IRF6: variants seen among roughly 807,000 people sequenced by gnomAD.
The protein encoded by IRF6 is Van der Woude syndrome.
IRF6 carries 6 observed loss-of-function variants against 51.4 expected under a neutral mutation model. That is an observed-to-expected ratio of 0.12 (90% CI 0.06 to 0.23). IRF6 has a LOEUF of 0.23. IRF6 is among the 10% of genes least tolerant of loss of function. The pLI is 1.00. For missense variants in IRF6, 348 were observed against 585.2 expected (o/e 0.59, Z 4.18); for synonymous variants, 178 against 215.7 (o/e 0.83, Z 1.53).
At position 209,789,449 on chromosome 1, in the gene IRF6, G is replaced by A. The variant is rs2073485; in HGVS notation, c.1179+218C>T. On this transcript the variant is annotated intron_variant, in intron 8 of 8. Transcript: ENST00000367021. ...CAGCAAGACTCTAAGGTTAGTAAGA[G>A]AATGAAAGATAAGATCTCCACTAAA... is the stretch of plus-strand genomic sequence containing the variant. 0.22 allele frequency among the ~76,000 whole-genome samples: 32,785 copies of A among 151,774 alleles called. 4,024 individuals carry two copies. The highest frequency in any genetic ancestry group is 0.47 in the East Asian group (2,437 of 5,168).
At chr1:209,798,762 A>T (rs562215894) in intron 3 of IRF6, among the ~76,000 whole-genome samples, 2 of 152,032 alleles carry the variant, frequency 1.3e-5, no homozygotes, top group African/African-American at 4.8e-5. Context: ...TACAAAAATT[A>T]TCTGGGCATG....
At position 209,796,688 on chromosome 1, in the gene IRF6, G is replaced by A. The variant is rs2077904244; in HGVS notation, c.175-136C>T. The A allele has an allele frequency of 2.8e-6, 2 of 706,028 alleles. No individual in the cohort carries two copies. Among genetic ancestry groups the A allele is most frequent in the South Asian group, 1.6e-5 (1 of 61,850 alleles). The allele number at this position is 706,028 out of a possible 1,614,324, so 43.7% of individuals were successfully genotyped here. ...ACACACACACACACAACTTTTGCAT[G>A]ACTGCCCCATCATCCCAACCCCGAT... On this transcript the variant is annotated intron_variant, in intron 3 of 8. Transcript: ENST00000367021. This position sits in a 1 kb window ranked among gnomAD's most constrained non-coding sequence, Gnocchi z 4.5.
chr1:209,792,302 T>A lies in IRF6; in HGVS notation c.634A>T (p.Ser212Cys), dbSNP rs923069332. Residue 212 changes from serine (S) to cysteine (C), a missense_variant, in exon 6 of 9, where the codon AGC becomes TGC. By Grantham distance (112) the Ser-to-Cys change is moderately radical. Coordinates refer to ENST00000367021, the MANE Select transcript of IRF6 (RefSeq NM_006147.4). Reference sequence around the variant, plus strand: ...GAGCTGATCCACAGTTCTGGAGAGCTATAGAAGGGCTGTATAGGTGCCTGG... The same window carrying A: ...GAGCTGATCCACAGTTCTGGAGAGCAATAGAAGGGCTGTATAGGTGCCTGG... The part of the protein sequence containing the change: ...VPQAPIQPFY[S>C]SPELWISSLP... 4 of 1,614,096 alleles carry A rather than the reference T, an allele frequency of 2.5e-6. No individual in the cohort carries two copies. The African/African-American group carries it at 5.3e-5, about 22-fold the overall frequency.
At chr1:209,791,668 TCCC>T (rs2077869886) in intron 6 of IRF6, among the ~76,000 whole-genome samples, 1 of 151,952 alleles carries the variant, frequency 6.6e-6, no homozygotes, top group Non-Finnish European at 1.5e-5. Context: ...TGTCACTAAA[TCCC>T]CCTGCGTGAC....
chr1:209,802,951 A>T (rs1054703589), intron 1 of IRF6, among the ~76,000 whole-genome samples: 35 of 152,344 alleles, frequency 2.3e-4, no homozygotes, highest in African/African-American at 8.2e-4. Context: ...TGGCACTTTA[A>T]GAGCAAGGCA....
At chr1:209,789,185 A>G (rs1355561602) in intron 8 of IRF6, among the ~76,000 whole-genome samples, 1 of 152,094 alleles carries the variant, frequency 6.6e-6, no homozygotes, top group East Asian at 1.9e-4. Context: ...TAGGCCAGGC[A>G]TGGTAGCCTG....
chr1:209,793,728 G>A (rs573786218), intron 5 of IRF6, among the ~76,000 whole-genome samples: 7 of 152,128 alleles, frequency 4.6e-5, no homozygotes, highest in South Asian at 2.1e-4. Context: ...CCCACCCTCC[G>A]TCCTCAAGGA....
In IRF6 at chr1:209,788,650, C is replaced by G. The variant is rs1215031294; in HGVS notation, c.1180-6G>C. The G allele has an allele frequency of 2.5e-6, 4 of 1,609,652 alleles. No homozygotes were observed. Among genetic ancestry groups the G allele is most frequent in the Non-Finnish European group, 3.4e-6 (4 of 1,175,898 alleles). On this transcript the variant is annotated splice_polypyrimidine_tract_variant and splice_region_variant and intron_variant, in intron 8 of 8. Transcript: ENST00000367021. ...CGAGCCACTACTGGAATGACCTGTT[C>G]AGGACACAGAACACAGGTGTATCCT...
At position 209,787,132 on chromosome 1, in the gene IRF6, T is replaced by G. The variant is rs1281766797; in HGVS notation, c.*1288A>C. 6.6e-6 allele frequency: 1 copy of G among 152,260 alleles called. No individual in the cohort carries two copies. Among genetic ancestry groups the G allele is most frequent in the Non-Finnish European group, 1.5e-5 (1 of 68,094 alleles). The allele number at this position is 152,260 out of a possible 1,614,324, so 9.4% of individuals were successfully genotyped here. On this transcript the variant is annotated 3_prime_UTR_variant, in exon 9 of 9. Coordinates refer to ENST00000367021, the MANE Select transcript of IRF6 (RefSeq NM_006147.4). ...ACTCAGGAGGCTGGGGCAGGACGAT[T>G]GCTTGAGCCCAGGAGCTTAAAGCTG...
In IRF6 at chr1:209,788,298, A is replaced by G. The variant is rs2102534515; in HGVS notation, c.*122T>C. The G allele has an allele frequency of 1.5e-6, 1 of 685,286 alleles. No homozygotes were observed. The highest frequency in any genetic ancestry group is 2.7e-5 in the East Asian group (1 of 36,894). 42.5% of individuals were successfully genotyped at this position (685,286 alleles called of 1,614,324 possible). A position where few individuals can be genotyped will look rare whatever the true frequency, so the allele number is the denominator to read the frequency against. The stretch of plus-strand genomic sequence containing the variant: ...GCTTTAAATCTAGGCATATTTGGAG[A>G]ATCACAAACTTCTAACACTGTTAGA... On this transcript the variant is annotated 3_prime_UTR_variant, in exon 9 of 9. Coordinates refer to ENST00000367021, the MANE Select transcript of IRF6 (RefSeq NM_006147.4).
rs1234188725 is a variant in IRF6 at position 209,788,503 on chromosome 1, G to T, written c.1321C>A (p.Arg441Ser). ...NIVAQLKQLY[R>S]ILQTQESWQP... Reference sequence around the variant, plus strand: ...CAGCTCTCCTGGGTTTGAAGGATGCGGTACAGCTGCTTCAGCTGAGCAACG... The same window carrying T: ...CAGCTCTCCTGGGTTTGAAGGATGCTGTACAGCTGCTTCAGCTGAGCAACG... Residue 441 changes from arginine to serine, a missense_variant, in exon 9 of 9, where the codon CGC becomes AGC. By Grantham distance (110) the Arg-to-Ser change is moderately radical. Coordinates refer to ENST00000367021, the MANE Select transcript of IRF6 (RefSeq NM_006147.4). 2 of 1,614,112 alleles carry T rather than the reference G, an allele frequency of 1.2e-6. No individual in the cohort carries two copies. Among genetic ancestry groups the T allele is most frequent in the Non-Finnish European group, 1.7e-6 (2 of 1,180,026 alleles).
chr1:209,789,881 G>T, intron 7 of IRF6, 96 bp from the exon 8 acceptor site: 2 of 815,240 alleles, frequency 2.5e-6, no homozygotes, highest in Non-Finnish European at 4.2e-6. Context: ...ATAGCCACTA[G>T]CCACATGTGC....
In IRF6 at chr1:209,790,145, T is replaced by A. The variant is rs2077860492; in HGVS notation, c.1060+350A>T. ...CACTCAGATAATTCCCAAAAGAATA[T>A]GTGCTATTCTGAACATAACAAACAG... On this transcript the variant is annotated intron_variant, in intron 7 of 8. Transcript: ENST00000367021. The surrounding 1 kb of genome is among the most constrained non-coding windows in gnomAD (Gnocchi z 4.8). 2.6e-5 allele frequency among the ~76,000 whole-genome samples: 4 copies of A among 152,238 alleles called. No individual in the cohort carries two copies. The South Asian group carries it at 8.3e-4, about 32-fold the overall frequency.
In IRF6 at chr1:209,790,576, A is replaced by G; in HGVS notation, c.979T>C (p.Cys327Arg). Residue 327 changes from cysteine (C) to arginine (R), a missense_variant, in exon 7 of 9, where the codon TGT becomes CGT. Physicochemically the swap from Cys to Arg is radical, Grantham distance 180. Coordinates refer to ENST00000367021, the MANE Select transcript of IRF6 (RefSeq NM_006147.4). The surrounding 1 kb of genome is among the most constrained non-coding windows in gnomAD (Gnocchi z 4.8). ...TTGGGAGCAACAAGTGATGGGGCAC[A>G]TGGCCCAGACCAGTACACCTTGCAC... ...CQCKVYWSGP[C>R]APSLVAPNLI... is the part of the protein sequence containing the mutation. 6.2e-7 allele frequency: 1 copy of G among 1,614,234 alleles called. No individual in the cohort carries two copies.
chr1:209,801,681 C>T (rs183211645), intron 2 of IRF6, among the ~76,000 whole-genome samples: 1 of 152,252 alleles, frequency 6.6e-6, no homozygotes, highest in East Asian at 1.9e-4. Flanking sequence ...CTATTTAAAT[C>T]CTGAAGCAGA....
chr1:209,788,180 A>T lies in IRF6; in HGVS notation c.*240T>A. ...CTTTGGTGTCCAAACTCCCAGGCCA[A>T]ATCTCCTTCTACTATGCTATATCAT... On this transcript the variant is annotated 3_prime_UTR_variant, in exon 9 of 9. Transcript: ENST00000367021. 1 of 525,564 alleles carries T rather than the reference A, an allele frequency of 1.9e-6. No individual in the cohort carries two copies. The highest frequency in any genetic ancestry group is 3.4e-6 in the Non-Finnish European group (1 of 293,662). The allele number at this position is 525,564 out of a possible 1,614,324, so 32.6% of individuals were successfully genotyped here.
intron 1 of IRF6, among the ~76,000 whole-genome samples, chr1:209,804,619 G>C (rs3753518): frequency 0.17 from 25,992 of 152,142 alleles, 2,420 homozygotes; most frequent in African/African-American, 0.23. Context: ...GTCTCTAACA[G>C]GTACTTAAAC....
chr1:209,796,847 A>C lies in IRF6; in HGVS notation c.175-295T>G, dbSNP rs2077905231. ...TCAAGCACTGGTACCGGCACTCATCAAGACGACAATGCTCTAATGAAGGGC... is the reference window on the plus strand; with the variant it reads ...TCAAGCACTGGTACCGGCACTCATCCAGACGACAATGCTCTAATGAAGGGC... On this transcript the variant is annotated intron_variant, in intron 3 of 8. Transcript: ENST00000367021. The surrounding 1 kb of genome is among the most constrained non-coding windows in gnomAD (Gnocchi z 4.5). Among the ~76,000 whole-genome samples the C allele has an allele frequency of 6.6e-6, 1 of 152,228 alleles. No homozygotes were observed. Among genetic ancestry groups the C allele is most frequent in the African/African-American group, 2.4e-5 (1 of 41,470 alleles).
In IRF6 at chr1:209,796,207, G is replaced by A; in HGVS notation, c.379+141C>T. The A allele has an allele frequency of 1.4e-6, 1 of 700,390 alleles. No homozygotes were observed. Among genetic ancestry groups the A allele is most frequent in the Non-Finnish European group, 2.4e-6 (1 of 420,916 alleles). 43.4% of individuals were successfully genotyped at this position (700,390 alleles called of 1,614,324 possible). A position where few individuals can be genotyped will look rare whatever the true frequency, so the allele number is the denominator to read the frequency against. Reference sequence around the variant, plus strand: ...CTGAGTCTGCATCTTTTGTTTTCTGGGTCCTTCCCAGAGAAAGGCTTTCTT... The same window carrying A: ...CTGAGTCTGCATCTTTTGTTTTCTGAGTCCTTCCCAGAGAAAGGCTTTCTT... On this transcript the variant is annotated intron_variant, in intron 4 of 8. Coordinates refer to ENST00000367021, the MANE Select transcript of IRF6 (RefSeq NM_006147.4). This position sits in a 1 kb window ranked among gnomAD's most constrained non-coding sequence, Gnocchi z 4.5.
Sources: allele counts gnomAD v4.1 joint callset (sites outside exome capture counted in the v4.1 genomes callset), GRCh38; gene constraint gnomAD v4.1.1; non-coding constraint Gnocchi (gnomAD v3.1); transcripts MANE v1.5; gene names NCBI Gene and HGNC (gene_info 2026-07-23, HGNC 2026-07-21).